The following FKBP6 variants were observed in gnomAD, a reference collection of about 807,000 sequenced individuals.
The protein encoded by FKBP6 is inactive peptidyl-prolyl cis-trans isomerase FKBP6.
In FKBP6, 29 loss-of-function variants were observed where a neutral mutation model predicts 41.7. The observed-to-expected ratio is 0.70, with a 90% confidence interval of 0.52 to 0.95. The LOEUF (loss-of-function observed/expected upper bound fraction) is 0.95. FKBP6 is among the 40% of genes least tolerant of loss of function. The probability of loss-of-function intolerance (pLI) is 0.00; values close to 1 mark genes in which losing one functional copy is unlikely to be tolerated. For synonymous variants in FKBP6, 130 were observed against 165.1 expected, an observed-to-expected ratio of 0.79 and a Z score of 1.63; for missense variants, 338 against 408.7, an observed-to-expected ratio of 0.83 and a Z score of 1.49.
chr7:73,341,445 C>T lies in FKBP6; in HGVS notation c.893+63C>T, dbSNP rs1182377850. The T allele has an allele frequency of 1.7e-5, 17 of 1,002,592 alleles. 1 individual carries two copies. The Admixed American group carries it at 2.9e-4, about 17-fold the overall frequency. The allele number at this position is 1,002,592 out of a possible 1,614,324, so 62.1% of individuals were successfully genotyped here. ...GGGGTTGTGACTCTGGTCTGTCCCC[C>T]CACCCCCCCCAACAAAGGACAGTCT... On this transcript the variant is annotated intron_variant, in intron 7 of 8. Transcript: ENST00000252037.
chr7:73,336,697 C>T (rs1805014927), intron 5 of FKBP6: 1 of 454,662 alleles, frequency 2.2e-6, no homozygotes, highest in Admixed American at 2.4e-5. Context: ...ACCAGCACAC[C>T]ACTGTGTGCA....
chr7:73,342,161 T>C (rs1389057608), intron 7 of FKBP6, among the ~76,000 whole-genome samples: 3 of 152,168 alleles, frequency 2.0e-5, no homozygotes, highest in Non-Finnish European at 4.4e-5. Flanking sequence ...CTTTTAGTGA[T>C]GTAATTTTTT....
In FKBP6 at chr7:73,330,256, T is replaced by A. The variant is rs782592991; in HGVS notation, c.372T>A (p.Pro124=). 6.2e-6 allele frequency: 10 copies of A among 1,614,030 alleles called. No homozygotes were observed. The Middle Eastern group carries it at 9.9e-4, about 160-fold the overall frequency. ...ACGCCTATGGAACGCTGGGCTGCCC[T>A]CCCTTGATCCCCCCAAACACCACTG... ...PNYAYGTLGC[P]PLIPPNTTVL... The change falls in exon 4 of 9, where the codon CCT becomes CCA. Residue 124 remains proline, a synonymous_variant. Coordinates refer to ENST00000252037, the MANE Select transcript of FKBP6 (RefSeq NM_003602.5).
rs1804846940 is a variant in FKBP6 at position 73,331,672 on chromosome 7, T to G, written c.484T>G (p.Phe162Val). The stretch of plus-strand genomic sequence containing the variant: ...TGGTCCTCAGGAGCAGCAAGACCAA[T>G]TTCCACTTCAGAAGGTCCTGAAAGT... Reference protein sequence around the residue: ...CALSAEQQDQFPLQKVLKVAA... With the variant: ...CALSAEQQDQVPLQKVLKVAA... Residue 162 changes from phenylalanine (F) to valine (V), a missense_variant, in exon 5 of 9, where the codon TTT becomes GTT. Phe to Val is a conservative substitution (Grantham distance 50). This residue lies in a region of FKBP6 where 239 missense variants were observed against 250.1 expected (regional missense o/e 0.96). Transcript: ENST00000252037. 3 of 1,613,722 alleles carry G rather than the reference T, an allele frequency of 1.9e-6. No individual in the cohort carries two copies. The East Asian group carries it at 6.7e-5, about 36-fold the overall frequency.
chr7:73,340,508 T>C (rs1487415783), intron 5 of FKBP6, 130 bp from the exon 6 acceptor site: 9 of 734,148 alleles, frequency 1.2e-5, no homozygotes, highest in Non-Finnish European at 1.7e-5. Flanking sequence ...CCTGACTTCT[T>C]ATGTTGATCT....
intron 5 of FKBP6, among the ~76,000 whole-genome samples, chr7:73,334,789 C>A (rs1451076506): frequency 6.6e-6 from 1 of 152,112 alleles, no homozygotes; most frequent in Non-Finnish European, 1.5e-5. Context: ...TCCTTTTGCA[C>A]TAAGTTTGTC....
At chr7:73,343,868 C>T (rs1805265378) in intron 8 of FKBP6, among the ~76,000 whole-genome samples, 1 of 152,190 alleles carries the variant, frequency 6.6e-6, no homozygotes. Flanking sequence ...ATAAATCTCT[C>T]CTTTGTTGCT....
At chr7:73,330,759 A>G (rs149259260) in intron 4 of FKBP6, among the ~76,000 whole-genome samples, 1 of 152,322 alleles carries the variant, frequency 6.6e-6, no homozygotes, top group East Asian at 1.9e-4. Context: ...GGGGCTGTTC[A>G]CTGGAGGGGT....
At chr7:73,332,861 G>A (rs1031940451) in intron 5 of FKBP6, among the ~76,000 whole-genome samples, 1 of 152,182 alleles carries the variant, frequency 6.6e-6, no homozygotes, top group Non-Finnish European at 1.5e-5. Context: ...GACAGTGGAG[G>A]CTCATTTGGC....
At chr7:73,352,611 C>T (rs1554551302) in intron 8 of FKBP6, among the ~76,000 whole-genome samples, 1 of 152,156 alleles carries the variant, frequency 6.6e-6, no homozygotes, top group African/African-American at 2.4e-5. Context: ...TTTTGATGCT[C>T]CCCTACGCTC....
At chr7:73,343,826 C>A (rs1805264179) in intron 8 of FKBP6, among the ~76,000 whole-genome samples, 1 of 152,204 alleles carries the variant, frequency 6.6e-6, no homozygotes, top group South Asian at 2.1e-4. Context: ...CAAGGAACAA[C>A]AAGAAAACAG....
At chr7:73,346,395 A>G (rs1261476007) in intron 8 of FKBP6, among the ~76,000 whole-genome samples, 2 of 152,192 alleles carry the variant, frequency 1.3e-5, no homozygotes, top group East Asian at 1.9e-4. Context: ...GGACAACAAG[A>G]TAAGTCCATT....
At position 73,338,192 on chromosome 7, in the gene FKBP6, A is replaced by G. The variant is rs182517462; in HGVS notation, c.589-2446A>G. Among the ~76,000 whole-genome samples, 41 of 151,916 alleles carry G rather than the reference A, an allele frequency of 2.7e-4. 1 individual carries two copies. Among genetic ancestry groups the G allele is most frequent in the African/African-American group, 9.9e-4 (41 of 41,402 alleles). ...AGGCACCTGCCACCACACCTGGCTA[A>G]TTTTTGTATTTTTAGTAGAGACAGG... On this transcript the variant is annotated intron_variant, in intron 5 of 8. Transcript: ENST00000252037.
chr7:73,341,072 C>T (rs1260122775), intron 6 of FKBP6, among the ~76,000 whole-genome samples: 3 of 151,798 alleles, frequency 2.0e-5, no homozygotes, highest in Non-Finnish European at 2.9e-5. Flanking sequence ...TACAGGCATG[C>T]GCCATCACAC....
intron 3 of FKBP6, chr7:73,329,942 G>C: frequency 1.6e-6 from 1 of 617,842 alleles, no homozygotes; most frequent in East Asian, 2.8e-5. Context: ...CTGGAAGTGG[G>C]GGCATTTGAA....
At chr7:73,337,095 A>G (rs782368434) in intron 5 of FKBP6, 1 of 322,348 alleles carries the variant, frequency 3.1e-6, no homozygotes, top group South Asian at 2.5e-5. Context: ...TTGCTTCACA[A>G]TTTCATTTGG....
At chr7:73,330,707 C>A (rs1451671626) in intron 4 of FKBP6, among the ~76,000 whole-genome samples, 1 of 152,168 alleles carries the variant, frequency 6.6e-6, no homozygotes, top group Non-Finnish European at 1.5e-5. Flanking sequence ...ACTAGGGTGA[C>A]TGAATAATTG....
intron 8 of FKBP6, among the ~76,000 whole-genome samples, chr7:73,345,223 A>G (rs1554550117): frequency 1.6e-5 from 2 of 127,142 alleles, no homozygotes; most frequent in Admixed American, 8.6e-5. Flanking sequence ...CATCAGCCAG[A>G]AAAAAAAAAA....
intron 5 of FKBP6, among the ~76,000 whole-genome samples, chr7:73,338,370 G>T (rs938736415): frequency 3.9e-5 from 6 of 152,222 alleles, no homozygotes; most frequent in Non-Finnish European, 7.3e-5. Flanking sequence ...TGGCTCTGCT[G>T]CTTTTTGTCC....
Sources: gnomAD v4.1 joint callset for allele counts (sites outside exome capture counted in the v4.1 genomes callset) on GRCh38, gnomAD v4.1.1 for gene constraint, gnomAD v4.1.1 regional missense constraint, MANE v1.5 for transcripts, NCBI Gene and HGNC (gene_info 2026-07-23, HGNC 2026-07-21) for gene names.